SHISA6: variants seen among roughly 807,000 people sequenced by gnomAD.
SHISA6 encodes the protein protein shisa-6.
In SHISA6, 22 loss-of-function variants were observed where a neutral mutation model predicts 47.9. The ratio of observed to expected loss-of-function variants is 0.46; its 90% CI spans 0.33 to 0.66. The LOEUF (loss-of-function observed/expected upper bound fraction) is 0.66. Among genes scored for constraint, SHISA6 ranks in the 30% least tolerant of loss-of-function variants. The pLI is 0.02. For synonymous variants in SHISA6, 388 were observed against 337.8 expected (o/e 1.15, Z -1.63); for missense variants, 680 against 764.6 (o/e 0.89, Z 1.30).
chr17:11,495,020 CAT>C (rs1018761988), intron 3 of SHISA6, among the ~76,000 whole-genome samples: 2 of 152,168 alleles, frequency 1.3e-5, no homozygotes, highest in African/African-American at 4.8e-5. Flanking sequence ...TCCGCCCAGT[CAT>C]GTGGGGTTTC....
chr17:11,257,699 AG>A, intron 1 of SHISA6, among the ~76,000 whole-genome samples: 1 of 152,124 alleles, frequency 6.6e-6, no homozygotes, highest in African/African-American at 2.4e-5. Context: ...AAGAAAGGAA[AG>A]AAGGAAGGCA....
At chr17:11,321,128 T>C (rs1465315161) in intron 2 of SHISA6, among the ~76,000 whole-genome samples, 3 of 152,228 alleles carry the variant, frequency 2.0e-5, no homozygotes, top group Admixed American at 6.5e-5. Context: ...ATCTTTGTCA[T>C]TGTATTGGCC....
chr17:11,491,448 G>A (rs933996571), intron 3 of SHISA6, among the ~76,000 whole-genome samples: 3 of 152,132 alleles, frequency 2.0e-5, no homozygotes, highest in African/African-American at 4.8e-5. Context: ...CTACAAGCGA[G>A]TGTCACCATG....
intron 3 of SHISA6, among the ~76,000 whole-genome samples, chr17:11,501,902 T>A (rs901892049): frequency 6.6e-6 from 1 of 152,130 alleles, no homozygotes; most frequent in African/African-American, 2.4e-5. Context: ...ACAGAGATGG[T>A]GGAGGTATTA....
At chr17:11,358,036 TA>T (rs1567583554) in intron 2 of SHISA6, among the ~76,000 whole-genome samples, 2 of 152,214 alleles carry the variant, frequency 1.3e-5, no homozygotes, top group Non-Finnish European at 2.9e-5. Context: ...TTAATTACGG[TA>T]AAATATACAT....
At chr17:11,506,235 C>T (rs2071498239) in intron 3 of SHISA6, among the ~76,000 whole-genome samples, 1 of 152,204 alleles carries the variant, frequency 6.6e-6, no homozygotes, top group Non-Finnish European at 1.5e-5. Context: ...CTTTTATTTT[C>T]TGGCCTCCCT....
chr17:11,503,683 CT>C (rs2071474188), intron 3 of SHISA6, among the ~76,000 whole-genome samples: 1 of 152,188 alleles, frequency 6.6e-6, no homozygotes, highest in Non-Finnish European at 1.5e-5. Context: ...TGTAATAAGG[CT>C]TTGTATATTG....
At chr17:11,258,228 A>G (rs1597425516) in intron 1 of SHISA6, among the ~76,000 whole-genome samples, 1 of 152,226 alleles carries the variant, frequency 6.6e-6, no homozygotes, top group Admixed American at 6.5e-5. Flanking sequence ...GAAACTATCC[A>G]GTTTGCCTTG....
At chr17:11,391,257 G>T (rs1219003430) in intron 3 of SHISA6, among the ~76,000 whole-genome samples, 1 of 152,118 alleles carries the variant, frequency 6.6e-6, no homozygotes, top group East Asian at 1.9e-4. Flanking sequence ...GTCACCTGTA[G>T]AAGGTAATGA....
At chr17:11,394,326 C>T (rs1450257387) in intron 3 of SHISA6, among the ~76,000 whole-genome samples, 4 of 152,116 alleles carry the variant, frequency 2.6e-5, no homozygotes, top group Non-Finnish European at 5.9e-5. Context: ...ACCTCCGTAC[C>T]TGTAAATTTT....
chr17:11,336,593 C>G (rs190411856), intron 2 of SHISA6, among the ~76,000 whole-genome samples: 2 of 152,124 alleles, frequency 1.3e-5, no homozygotes, highest in Admixed American at 1.3e-4. Flanking sequence ...CTGGGGCTTG[C>G]GAAGGCAGAT....
chr17:11,483,792 T>C (rs55929623), intron 3 of SHISA6, among the ~76,000 whole-genome samples: 4,052 of 152,140 alleles, frequency 0.027, 195 homozygotes, highest in African/African-American at 0.092. Context: ...CCTGTCTCTA[T>C]AAAAAAATTA....
intron 3 of SHISA6, among the ~76,000 whole-genome samples, chr17:11,441,498 G>A (rs1044836752): frequency 6.6e-6 from 1 of 152,178 alleles, no homozygotes; most frequent in Non-Finnish European, 1.5e-5. Flanking sequence ...CATATGCTTC[G>A]TGAGAACCCA....
chr17:11,461,396 CAAA>C (rs778616587), intron 3 of SHISA6, among the ~76,000 whole-genome samples: 13 of 76,652 alleles, frequency 1.7e-4, no homozygotes, highest in South Asian at 4.1e-4. Context: ...GACTCCATCT[CAAA>C]AAAAAAAAAA....
chr17:11,319,599 A>G (rs966990901), intron 2 of SHISA6, among the ~76,000 whole-genome samples: 28 of 152,200 alleles, frequency 1.8e-4, no homozygotes, highest in African/African-American at 6.8e-4. Context: ...TTTAAAATTA[A>G]TACTCTAACC....
intron 1 of SHISA6, among the ~76,000 whole-genome samples, chr17:11,261,304 A>G (rs1041540366): frequency 3.3e-5 from 5 of 152,132 alleles, no homozygotes; most frequent in African/African-American, 1.2e-4. Context: ...ACTTTACAAC[A>G]TGTGGCAGGG....
In SHISA6 at chr17:11,274,865, G is replaced by C. The variant is rs561004773; in HGVS notation, c.799+11339G>C. Reference sequence around the variant, plus strand: ...CGCTCAGAGGGAGGTTGTGTGGTCGGAGTGATCATCACCAAGTGCTTGAAG... The same window carrying C: ...CGCTCAGAGGGAGGTTGTGTGGTCGCAGTGATCATCACCAAGTGCTTGAAG... On this transcript the variant is annotated intron_variant, in intron 2 of 5. Coordinates refer to ENST00000441885, the MANE Select transcript of SHISA6 (RefSeq NM_207386.4). Among the ~76,000 whole-genome samples the C allele has an allele frequency of 5.9e-5, 9 of 152,266 alleles. No individual in the cohort carries two copies. In the South Asian group the frequency reaches 1.9e-3, roughly 32 times the overall value.
intron 2 of SHISA6, among the ~76,000 whole-genome samples, chr17:11,323,510 CGGACGTGGT>C (rs1910776914): frequency 2.0e-5 from 3 of 151,972 alleles, no homozygotes; most frequent in South Asian, 4.2e-4. Flanking sequence ...CAAAATTAAC[CGGACGTGGT>C]GGCGCATGCC....
chr17:11,441,731 A>G (rs556796482), intron 3 of SHISA6, among the ~76,000 whole-genome samples: 2 of 152,318 alleles, frequency 1.3e-5, no homozygotes, highest in Middle Eastern at 6.8e-3. Flanking sequence ...TTTTGCCTGC[A>G]TTAAGTTGAG....
Sources: allele counts gnomAD v4.1 joint callset (sites outside exome capture counted in the v4.1 genomes callset), GRCh38; gene constraint gnomAD v4.1.1; transcripts MANE v1.5; gene names NCBI Gene and HGNC (gene_info 2026-07-23, HGNC 2026-07-21).